Variants in APBA2 observed in about 807,000 individuals in gnomAD.
APBA2 encodes the protein amyloid-beta A4 precursor protein-binding family A member 2.
APBA2 carries 30 observed loss-of-function variants against 75.0 expected under a neutral mutation model. That is an observed-to-expected ratio of 0.40 (90% CI 0.30 to 0.54). The LOEUF (loss-of-function observed/expected upper bound fraction) is 0.54, where lower values mean the gene tolerates loss of function less well. Among genes scored for constraint, APBA2 ranks in the 20% least tolerant of loss-of-function variants. The pLI, the probability that APBA2 is intolerant of heterozygous loss-of-function variation, is 0.49. For synonymous variants in APBA2, 444 were observed against 409.6 expected, an observed-to-expected ratio of 1.08 and a Z score of -1.01; for missense variants, 801 against 1,016.1, an observed-to-expected ratio of 0.79 and a Z score of 2.88.
intron 1 of APBA2, among the ~76,000 whole-genome samples, chr15:28,916,732 T>C (rs2033706129): frequency 6.6e-6 from 1 of 152,252 alleles, no homozygotes; most frequent in African/African-American, 2.4e-5. Context: ...TCCCTCACTG[T>C]AGTGCGCGTT....
intron 6 of APBA2, among the ~76,000 whole-genome samples, chr15:29,081,315 C>T (rs193258086): frequency 2.0e-5 from 3 of 152,238 alleles, no homozygotes; most frequent in East Asian, 1.9e-4. Context: ...GGGGATGTGG[C>T]GCATTCCAAA....
chr15:29,030,592 A>G (rs1431281393), intron 3 of APBA2, among the ~76,000 whole-genome samples: 1 of 152,172 alleles, frequency 6.6e-6, no homozygotes. Context: ...TTGATAACTG[A>G]CACAACCTTT....
chr15:29,007,453 G>A (rs1445335720), intron 3 of APBA2, among the ~76,000 whole-genome samples: 1 of 152,112 alleles, frequency 6.6e-6, no homozygotes, highest in Non-Finnish European at 1.5e-5. Flanking sequence ...CCCAAGGAAT[G>A]GACGGAAATC....
At chr15:29,104,585 G>T (rs183543102) in intron 10 of APBA2, among the ~76,000 whole-genome samples, 1 of 152,376 alleles carries the variant, frequency 6.6e-6, no homozygotes, top group South Asian at 2.1e-4. Context: ...CATGGGGCCT[G>T]TGTGGAGTCC....
chr15:29,004,639 G>A (rs17748597), intron 3 of APBA2, among the ~76,000 whole-genome samples: 13,365 of 152,074 alleles, frequency 0.088, 1,427 homozygotes, highest in African/African-American at 0.23. Flanking sequence ...ACGGCTGCTC[G>A]AACTCCAGTG....
At chr15:28,969,418 A>G (rs2036945985) in intron 2 of APBA2, among the ~76,000 whole-genome samples, 1 of 151,920 alleles carries the variant, frequency 6.6e-6, no homozygotes, top group Non-Finnish European at 1.5e-5. Flanking sequence ...GACCTCAGGT[A>G]ATCTGCCCAC....
intron 3 of APBA2, among the ~76,000 whole-genome samples, chr15:29,031,710 C>T (rs1262739111): frequency 6.6e-6 from 1 of 152,192 alleles, no homozygotes; most frequent in African/African-American, 2.4e-5. Flanking sequence ...GTGCATTTTA[C>T]AATCCTCTTG....
At chr15:28,936,717 C>T (rs12439458) in intron 2 of APBA2, among the ~76,000 whole-genome samples, 17,238 of 152,114 alleles carry the variant, frequency 0.11, 1,938 homozygotes, top group East Asian at 0.34. Context: ...GCTGTGCCAC[C>T]TGGGGACAGG....
intron 13 of APBA2, among the ~76,000 whole-genome samples, chr15:29,113,607 C>T (rs914540999): frequency 1.3e-5 from 2 of 152,168 alleles, no homozygotes; most frequent in Admixed American, 1.3e-4. Flanking sequence ...ACAAAGGGAG[C>T]GGCCCTGGGG....
chr15:28,946,900 T>C (rs2152714811), intron 2 of APBA2, among the ~76,000 whole-genome samples: 1 of 152,314 alleles, frequency 6.6e-6, no homozygotes, highest in African/African-American at 2.4e-5. Flanking sequence ...TTCTGAACTA[T>C]AGAACTGTAA....
At chr15:28,970,343 T>C (rs1374710585) in intron 2 of APBA2, 1 of 150,012 alleles carries the variant, frequency 6.7e-6, no homozygotes, top group Non-Finnish European at 1.5e-5. Context: ...ATGTATGATA[T>C]GTACTATATA....
chr15:29,026,281 T>A (rs1158349255), intron 3 of APBA2, among the ~76,000 whole-genome samples: 2 of 152,172 alleles, frequency 1.3e-5, no homozygotes, highest in Non-Finnish European at 2.9e-5. Context: ...CTCAGGTGCA[T>A]CTGCCATACA....
At chr15:29,078,653 A>G (rs1595907302) in intron 6 of APBA2, among the ~76,000 whole-genome samples, 1 of 150,220 alleles carries the variant, frequency 6.7e-6, no homozygotes, top group South Asian at 2.1e-4. Flanking sequence ...AAAAAAGTCC[A>G]GAGGCAAGAG....
At chr15:29,105,228 G>A (rs2044333877) in intron 10 of APBA2, 151 bp from the exon 11 acceptor site, 2 of 744,114 alleles carry the variant, frequency 2.7e-6, no homozygotes, top group Non-Finnish European at 4.4e-6. Context: ...AGGGCCCCCA[G>A]TTTCTTTCTT....
chr15:28,889,478 C>T (rs2031985086), intron 1 of APBA2, among the ~76,000 whole-genome samples: 1 of 152,222 alleles, frequency 6.6e-6, no homozygotes, highest in Admixed American at 6.5e-5. Context: ...AGTGCTCCCT[C>T]CACATCCACG....
intron 2 of APBA2, among the ~76,000 whole-genome samples, chr15:28,984,010 T>G (rs917865867): frequency 1.3e-5 from 2 of 152,184 alleles, no homozygotes; most frequent in Non-Finnish European, 2.9e-5. Flanking sequence ...GTGTCCTCTC[T>G]GAAGGTATCC....
intron 2 of APBA2, among the ~76,000 whole-genome samples, chr15:28,929,012 A>T (rs747524129): frequency 9.9e-5 from 15 of 152,232 alleles, no homozygotes; most frequent in Non-Finnish European, 2.2e-4. Flanking sequence ...AACTCAATTC[A>T]CTGATGAGTC....
At chr15:28,920,357 A>T (rs2033910069) in intron 1 of APBA2, among the ~76,000 whole-genome samples, 1 of 152,218 alleles carries the variant, frequency 6.6e-6, no homozygotes, top group South Asian at 2.1e-4. Flanking sequence ...CAAGGAAGCC[A>T]TGGGCAGGGT....
chr15:29,073,873 A>G (rs968010485), intron 4 of APBA2, among the ~76,000 whole-genome samples: 8 of 152,218 alleles, frequency 5.3e-5, no homozygotes, highest in African/African-American at 1.9e-4. Context: ...AATTTTATTA[A>G]TTGAAGTAGA....
Sources: allele counts gnomAD v4.1 joint callset (sites outside exome capture counted in the v4.1 genomes callset), GRCh38; gene constraint gnomAD v4.1.1; transcripts MANE v1.5; gene names NCBI Gene and HGNC (gene_info 2026-07-23, HGNC 2026-07-21).